The following ZW10 variants were observed in gnomAD, a reference collection of about 807,000 sequenced individuals.
ZW10 encodes zw10 kinetochore protein.
ZW10 carries 53 observed loss-of-function variants against 87.8 expected under a neutral mutation model. The ratio of observed to expected loss-of-function variants is 0.60; its 90% CI spans 0.48 to 0.76. The LOEUF is 0.76. Ranked by LOEUF, ZW10 falls within the 30% of genes least tolerant of loss-of-function variation. The pLI is 0.00. For missense variants in ZW10, 837 were observed against 923.0 expected, an observed-to-expected ratio of 0.91 and a Z score of 1.21; for synonymous variants, 312 against 329.2, an observed-to-expected ratio of 0.95 and a Z score of 0.57.
chr11:113,738,334 G>A lies in ZW10; in HGVS notation c.1814C>T (p.Ser605Leu). Residue 605 changes from serine to leucine, a missense_variant, in exon 13 of 16, where the codon TCA becomes TTA. Coordinates refer to ENST00000200135, the MANE Select transcript of ZW10 (RefSeq NM_004724.4). ...CATATTTGAAAAGTTCCTAGCACTTGATAATCTTTCCAGAAGTTCACCTTT... is the reference window on the plus strand; with the variant it reads ...CATATTTGAAAAGTTCCTAGCACTTAATAATCTTTCCAGAAGTTCACCTTT... Reference protein sequence around the residue: ...AQKGELLERLSSARNFSNMDD... With the variant: ...AQKGELLERLLSARNFSNMDD... 6.2e-7 allele frequency: 1 copy of A among 1,613,358 alleles called. No individual in the cohort carries two copies. Among genetic ancestry groups the A allele is most frequent in the Non-Finnish European group, 8.5e-7 (1 of 1,179,672 alleles).
Position 113,765,772 on chromosome 11 carries a change from G to T in ZW10, c.240+3061C>A, listed in dbSNP as rs1953902377. Among the ~76,000 whole-genome samples the T allele has an allele frequency of 2.0e-5, 3 of 152,162 alleles. No homozygotes were observed. In the South Asian group the frequency reaches 6.2e-4, roughly 31 times the overall value. On this transcript the variant is annotated intron_variant, in intron 2 of 15. Coordinates refer to ENST00000200135, the MANE Select transcript of ZW10 (RefSeq NM_004724.4). ...CTCACATTTCTGCACTATCTTACAA[G>T]TAAGGCAATTACTGTCTTTAGTTCT...
At position 113,757,831 on chromosome 11, in the gene ZW10, G is replaced by T. The variant is rs200010930; in HGVS notation, c.756C>A (p.Ile252=). The T allele has an allele frequency of 6.2e-6, 10 of 1,606,562 alleles. No homozygotes were observed. The African/African-American group carries it at 8.0e-5, about 13-fold the overall frequency. ...ATGGGCAAGATGCCAGCGGCCTAAG[G>T]ATATACTTCAGCAGCATCTGACCTG... The part of the protein sequence containing the change: ...KSFGQMLLKY[I]LRPLASCPSL... Residue 252 remains isoleucine, a synonymous_variant, in exon 7 of 16, where the codon ATC becomes ATA. Transcript: ENST00000200135.
Position 113,744,154 on chromosome 11 carries a change from G to A in ZW10, c.1273-114C>T, listed in dbSNP as rs567830650. On this transcript the variant is annotated intron_variant, in intron 9 of 15. Coordinates refer to ENST00000200135, the MANE Select transcript of ZW10 (RefSeq NM_004724.4). ...TGTAATCCCAGCACTTTGGGAGGCC[G>A]AGGCGGGCAGATCACGAGGTCAGGA... The A allele has an allele frequency of 7.3e-5, 56 of 764,154 alleles. 1 individual carries two copies. In the East Asian group the frequency reaches 1.0e-3, roughly 14 times the overall value. 47.3% of individuals were successfully genotyped at this position (764,154 alleles called of 1,614,324 possible). A position where few individuals can be genotyped will look rare whatever the true frequency, so the allele number is the denominator to read the frequency against.
At chr11:113,741,275 T>C (rs943102688) in intron 11 of ZW10, among the ~76,000 whole-genome samples, 2 of 152,192 alleles carry the variant, frequency 1.3e-5, no homozygotes, top group Admixed American at 6.5e-5. Flanking sequence ...CCACTGTGCC[T>C]GGCAGATTTT....
At position 113,733,480 on chromosome 11, in the gene ZW10, T is replaced by C. The variant is rs566067923; in HGVS notation, c.*214A>G. On this transcript the variant is annotated 3_prime_UTR_variant, in exon 16 of 16. Transcript: ENST00000200135. ...GGAAGATGGCTAGAAAGTCAATGAA[T>C]TGAGGTGCTTTACTTGACAATTTAT... The C allele has an allele frequency of 2.0e-4, 112 of 554,440 alleles. No individual in the cohort carries two copies. The highest frequency in any genetic ancestry group is 2.7e-4 in the Non-Finnish European group (86 of 320,380). The allele number at this position is 554,440 out of a possible 1,614,324, so 34.3% of individuals were successfully genotyped here. A position where few individuals can be genotyped will look rare whatever the true frequency, so the allele number is the denominator to read the frequency against.
chr11:113,756,650 C>T (rs1414569416), intron 7 of ZW10, among the ~76,000 whole-genome samples: 1 of 152,144 alleles, frequency 6.6e-6, no homozygotes, highest in East Asian at 1.9e-4. Flanking sequence ...GGATAAAATG[C>T]CTCAAGTTCT....
chr11:113,767,490 T>A (rs1953920662), intron 2 of ZW10, among the ~76,000 whole-genome samples: 2 of 152,142 alleles, frequency 1.3e-5, no homozygotes, highest in African/African-American at 4.8e-5. Context: ...CTAGGATCCA[T>A]CAATTTTTCT....
intron 12 of ZW10, among the ~76,000 whole-genome samples, chr11:113,738,862 A>G (rs1175731790): frequency 6.6e-6 from 1 of 152,228 alleles, no homozygotes; most frequent in Non-Finnish European, 1.5e-5. Flanking sequence ...CAAAAGAACT[A>G]GCACTGACAT....
chr11:113,766,480 C>T (rs942346697), intron 2 of ZW10, among the ~76,000 whole-genome samples: 3 of 149,982 alleles, frequency 2.0e-5, no homozygotes, highest in Non-Finnish European at 4.4e-5. Flanking sequence ...ACCATCCTGG[C>T]TAACATGGTA....
At chr11:113,736,179 G>A (rs955724819) in intron 15 of ZW10, among the ~76,000 whole-genome samples, 11 of 152,076 alleles carry the variant, frequency 7.2e-5, no homozygotes, top group African/African-American at 2.4e-4. Flanking sequence ...GGAGGCTGAG[G>A]TGGGAGGATC....
intron 8 of ZW10, 48 bp from the exon 9 acceptor site, chr11:113,747,761 A>G: frequency 2.1e-6 from 3 of 1,406,762 alleles, no homozygotes; most frequent in Middle Eastern, 4.8e-4. Flanking sequence ...CATATATTCC[A>G]TTACAATATT....
chr11:113,756,149 T>C (rs1953782433), intron 7 of ZW10, among the ~76,000 whole-genome samples: 1 of 152,094 alleles, frequency 6.6e-6, no homozygotes, highest in African/African-American at 2.4e-5. Flanking sequence ...CCTGATCCAA[T>C]ACAACTGGTG....
At chr11:113,773,190 C>T (rs940983598) in intron 1 of ZW10, among the ~76,000 whole-genome samples, 1 of 151,938 alleles carries the variant, frequency 6.6e-6, no homozygotes, top group Non-Finnish European at 1.5e-5. Context: ...CCCTAGCTTC[C>T]TCGGAGCTTC....
intron 9 of ZW10, among the ~76,000 whole-genome samples, chr11:113,744,711 A>G (rs1184312718): frequency 6.6e-6 from 1 of 151,866 alleles, no homozygotes; most frequent in Non-Finnish European, 1.5e-5. Context: ...CACCCACCAC[A>G]CCCAGCTAAT....
At chr11:113,752,276 G>A (rs984560042) in intron 7 of ZW10, among the ~76,000 whole-genome samples, 1 of 152,220 alleles carries the variant, frequency 6.6e-6, no homozygotes, top group Admixed American at 6.5e-5. Flanking sequence ...GTGTGTGTGT[G>A]TGTGTGTGTG....
At position 113,750,461 on chromosome 11, in the gene ZW10, G is replaced by A. The variant is rs192092741; in HGVS notation, c.926-2041C>T. On this transcript the variant is annotated intron_variant, in intron 7 of 15. Transcript: ENST00000200135. ...TGGGATTACAGGCGCCCGCCACCAC[G>A]CCCAGCTAATTTTTGTATATTTAGT... is the stretch of plus-strand genomic sequence containing the variant. 1.9e-3 allele frequency among the ~76,000 whole-genome samples: 287 copies of A among 152,032 alleles called. 1 individual carries two copies. The highest frequency in any genetic ancestry group is 6.2e-3 in the African/African-American group (258 of 41,476).
Position 113,773,663 on chromosome 11 carries a change from C to A in ZW10, c.4G>T (p.Ala2Ser), listed in dbSNP as rs370727555. The A allele has an allele frequency of 9.9e-6, 16 of 1,612,892 alleles. No homozygotes were observed. Among genetic ancestry groups the A allele is most frequent in the Non-Finnish European group, 1.4e-5 (16 of 1,179,502 alleles). The change falls in exon 1 of 16, where the codon GCC becomes TCC. Residue 2 changes from alanine to serine, a missense_variant. By Grantham distance (99) the Ala-to-Ser change is moderately conservative. Coordinates refer to ENST00000200135, the MANE Select transcript of ZW10 (RefSeq NM_004724.4). M[A>S]SFVTEVLAHS... ...GCCAAAACTTCTGTCACGAACGAGGCCATGGCCAAGACGGGAACCAACGCT... is the reference window on the plus strand; with the variant it reads ...GCCAAAACTTCTGTCACGAACGAGGACATGGCCAAGACGGGAACCAACGCT...
intron 2 of ZW10, among the ~76,000 whole-genome samples, chr11:113,767,065 C>T (rs986333907): frequency 3.3e-5 from 5 of 151,782 alleles, no homozygotes; most frequent in South Asian, 2.1e-4. Flanking sequence ...GCTAACTTAC[C>T]GACTTTCAAG....
chr11:113,743,762 ACCAAGTCATTG>A, intron 10 of ZW10, 29 bp downstream of exon 10: 1 of 1,507,178 alleles, frequency 6.6e-7, no homozygotes, highest in Non-Finnish European at 9.2e-7. Flanking sequence ...TATGCATTTA[ACCAAGTCATTG>A]CCATTTTCAC....
Sources: allele counts gnomAD v4.1 joint callset (sites outside exome capture counted in the v4.1 genomes callset), GRCh38; gene constraint gnomAD v4.1.1; transcripts MANE v1.5; gene names NCBI Gene and HGNC (gene_info 2026-07-23, HGNC 2026-07-21).